DOK6: variants seen among roughly 807,000 people sequenced by gnomAD.
DOK6 encodes the protein downstream of tyrosine kinase 6.
Under a neutral mutation model 44.0 loss-of-function variants are expected in DOK6, and 22 were observed. That is an observed-to-expected ratio of 0.50 (90% confidence interval 0.36 to 0.71). The LOEUF is 0.71. Ranked by LOEUF, DOK6 falls within the 30% of genes least tolerant of loss-of-function variation. The pLI, the probability that DOK6 is intolerant of heterozygous loss-of-function variation, is 0.00. For missense variants in DOK6, 340 were observed against 416.4 expected (o/e 0.82, Z 1.60); for synonymous variants, 166 against 145.5 (o/e 1.14, Z -1.01).
chr18:69,712,728 T>C (rs917792113), intron 5 of DOK6, among the ~76,000 whole-genome samples: 1 of 152,052 alleles, frequency 6.6e-6, no homozygotes, highest in African/African-American at 2.4e-5. Context: ...GCACCTGTAG[T>C]CCCAGCTACT....
chr18:69,562,026 G>T (rs186174350), intron 1 of DOK6, among the ~76,000 whole-genome samples: 264 of 152,232 alleles, frequency 1.7e-3, no homozygotes, highest in African/African-American at 4.6e-3. Context: ...TGGGCATAAA[G>T]AAATTATCCA....
At chr18:69,465,819 T>C (rs898232036) in intron 1 of DOK6, among the ~76,000 whole-genome samples, 12 of 152,234 alleles carry the variant, frequency 7.9e-5, no homozygotes, top group African/African-American at 1.2e-4. Context: ...TGGGTATATA[T>C]CCAGTAATGG....
At chr18:69,696,623 T>G (rs893875665) in intron 4 of DOK6, among the ~76,000 whole-genome samples, 5 of 152,202 alleles carry the variant, frequency 3.3e-5, no homozygotes, top group African/African-American at 1.2e-4. Context: ...ATATAGGAGC[T>G]GAAATTTATC....
At chr18:69,814,709 A>G (rs972806136) in intron 7 of DOK6, among the ~76,000 whole-genome samples, 1 of 152,122 alleles carries the variant, frequency 6.6e-6, no homozygotes, top group Non-Finnish European at 1.5e-5. Flanking sequence ...AAGGAGAGAG[A>G]GTGCAAGGGG....
chr18:69,826,464 G>A (rs969750751), intron 7 of DOK6, among the ~76,000 whole-genome samples: 7 of 151,964 alleles, frequency 4.6e-5, no homozygotes, highest in South Asian at 2.1e-4. Flanking sequence ...ACTAATAAGG[G>A]GTTAAGATGA....
At chr18:69,482,664 G>A (rs1017473233) in intron 1 of DOK6, among the ~76,000 whole-genome samples, 2 of 151,768 alleles carry the variant, frequency 1.3e-5, no homozygotes, top group Non-Finnish European at 1.5e-5. Flanking sequence ...CCATTTTAGA[G>A]GTTTTAGTTT....
At chr18:69,544,336 G>A (rs1010887194) in intron 1 of DOK6, among the ~76,000 whole-genome samples, 4 of 151,602 alleles carry the variant, frequency 2.6e-5, no homozygotes, top group Non-Finnish European at 4.4e-5. Context: ...CCATGCGTTA[G>A]TGATGCTTTC....
At chr18:69,699,678 T>C (rs1229153859) in intron 5 of DOK6, among the ~76,000 whole-genome samples, 5 of 152,196 alleles carry the variant, frequency 3.3e-5, no homozygotes, top group Non-Finnish European at 5.9e-5. Flanking sequence ...CCGATAGCCA[T>C]TGGGAAATAC....
chr18:69,499,650 C>T (rs1222307722), intron 1 of DOK6, among the ~76,000 whole-genome samples: 7 of 152,148 alleles, frequency 4.6e-5, no homozygotes, highest in Admixed American at 3.3e-4. Context: ...TTTGTATCTG[C>T]AGCCCAGACT....
chr18:69,516,881 C>T (rs34573838), intron 1 of DOK6, among the ~76,000 whole-genome samples: 37,000 of 149,898 alleles, frequency 0.25, 4,667 homozygotes, highest in South Asian at 0.33. Flanking sequence ...ACCGTTTCAC[C>T]ATATTTGCCA....
chr18:69,696,065 C>T (rs568071456), intron 4 of DOK6, among the ~76,000 whole-genome samples: 2 of 151,936 alleles, frequency 1.3e-5, no homozygotes, highest in African/African-American at 2.4e-5. Flanking sequence ...ATATACATAG[C>T]GATAGAGACA....
chr18:69,482,321 T>G (rs1380376935), intron 1 of DOK6, among the ~76,000 whole-genome samples: 1 of 152,174 alleles, frequency 6.6e-6, no homozygotes, highest in African/African-American at 2.4e-5. Context: ...TGAATGGTAT[T>G]GCACGTGCAC....
intron 1 of DOK6, among the ~76,000 whole-genome samples, chr18:69,422,891 T>G (rs1477438120): frequency 6.6e-6 from 1 of 152,234 alleles, no homozygotes; most frequent in Non-Finnish European, 1.5e-5. Flanking sequence ...TTGTTACATT[T>G]AGATTTTTTA....
chr18:69,702,009 T>A (rs1986531580), intron 5 of DOK6, among the ~76,000 whole-genome samples: 1 of 152,042 alleles, frequency 6.6e-6, no homozygotes, highest in Non-Finnish European at 1.5e-5. Context: ...AAAAATATAA[T>A]TAATACATAA....
chr18:69,596,614 C>A (rs35750757), intron 2 of DOK6, among the ~76,000 whole-genome samples: 55,145 of 151,768 alleles, frequency 0.36, 10,582 homozygotes, highest in East Asian at 0.56. Flanking sequence ...AAAAAACACG[C>A]CCACAAAGAA....
intron 2 of DOK6, among the ~76,000 whole-genome samples, chr18:69,576,804 G>A (rs1983248649): frequency 6.6e-6 from 1 of 152,062 alleles, no homozygotes; most frequent in Admixed American, 6.6e-5. Context: ...AATGAAAACT[G>A]AACTAGAGCA....
chr18:69,819,837 G>A (rs1340219424), intron 7 of DOK6, among the ~76,000 whole-genome samples: 1 of 152,034 alleles, frequency 6.6e-6, no homozygotes, highest in East Asian at 1.9e-4. Flanking sequence ...GTAGCACAGG[G>A]GTGTCCAATG....
At chr18:69,526,933 A>ATCAT (rs1568285800) in intron 1 of DOK6, among the ~76,000 whole-genome samples, 1 of 152,132 alleles carries the variant, frequency 6.6e-6, no homozygotes, top group Non-Finnish European at 1.5e-5. Context: ...GTTTCCATAG[A>ATCAT]TCATTTATTA....
chr18:69,818,501 G>A (rs957579446), intron 7 of DOK6, among the ~76,000 whole-genome samples: 1 of 152,144 alleles, frequency 6.6e-6, no homozygotes, highest in African/African-American at 2.4e-5. Flanking sequence ...GCCTGAAGTT[G>A]CTGTCCACCT....
Sources: gnomAD v4.1 joint callset for allele counts (sites outside exome capture counted in the v4.1 genomes callset) on GRCh38, gnomAD v4.1.1 for gene constraint, MANE v1.5 for transcripts, NCBI Gene and HGNC (gene_info 2026-07-23, HGNC 2026-07-21) for gene names.